The following ITGAX variants were observed in gnomAD, a reference collection of about 807,000 sequenced individuals.
The protein encoded by ITGAX is integrin alpha-X.
A neutral mutation model predicts 140.2 loss-of-function variants in ITGAX; 99 were observed. The observed-to-expected ratio is 0.71, with a 90% confidence interval of 0.60 to 0.83. ITGAX has a LOEUF of 0.83. ITGAX is among the 40% of genes least tolerant of loss of function. The pLI, the probability that ITGAX is intolerant of heterozygous loss-of-function variation, is 0.00. For synonymous variants in ITGAX, 631 were observed against 600.4 expected (o/e 1.05, Z -0.75); for missense variants, 1,444 against 1,482.0 (o/e 0.97, Z 0.42).
rs2081073674 is a variant in ITGAX at position 31,382,021 on chromosome 16, G to A, written c.*114G>A. The A allele has an allele frequency of 3.4e-6, 5 of 1,465,650 alleles. No individual in the cohort carries two copies. The highest frequency in any genetic ancestry group is 4.5e-6 in the Non-Finnish European group (5 of 1,112,872). The allele number at this position is 1,465,650 out of a possible 1,614,324, so 90.8% of individuals were successfully genotyped here. A position where few individuals can be genotyped will look rare whatever the true frequency, so the allele number is the denominator to read the frequency against. On this transcript the variant is annotated 3_prime_UTR_variant, in exon 30 of 30. Coordinates refer to ENST00000268296, the MANE Select transcript of ITGAX (RefSeq NM_000887.5). ...GCACCACCGAGAGAGGCTGGGATGGGCCTGCTTCCTGTCTTTGGGAGAAAA... is the reference window on the plus strand; with the variant it reads ...GCACCACCGAGAGAGGCTGGGATGGACCTGCTTCCTGTCTTTGGGAGAAAA...
intron 14 of ITGAX, 50 bp downstream of exon 14, chr16:31,363,424 TC>T (rs546613420): frequency 2.6e-5 from 42 of 1,587,202 alleles, no homozygotes; most frequent in Non-Finnish European, 3.6e-5. Flanking sequence ...TTCTTGCCTC[TC>T]CCACTCTGTC....
chr16:31,375,472 C>T (rs770944461), intron 20 of ITGAX, among the ~76,000 whole-genome samples: 16 of 152,236 alleles, frequency 1.1e-4, no homozygotes, highest in Non-Finnish European at 2.1e-4. Flanking sequence ...TCTATTGATA[C>T]ATTACCTAGT....
At chr16:31,373,144 C>T (rs1431124034) in intron 19 of ITGAX, 105 bp from the exon 20 acceptor site, 9 of 763,148 alleles carry the variant, frequency 1.2e-5, no homozygotes, top group African/African-American at 7.3e-5. Flanking sequence ...CCCAGGGGTC[C>T]GTCCCCTGTC....
intron 14 of ITGAX, among the ~76,000 whole-genome samples, chr16:31,363,825 G>A (rs2142498331): frequency 6.6e-6 from 1 of 152,322 alleles, no homozygotes; most frequent in South Asian, 2.1e-4. Context: ...AGGAAGACAA[G>A]GGCCTTGGTT....
intron 9 of ITGAX, 112 bp downstream of exon 9, chr16:31,361,325 C>T (rs1287028017): frequency 1.7e-6 from 2 of 1,191,732 alleles, no homozygotes; most frequent in African/African-American, 1.5e-5. Context: ...CTCCTGCTTT[C>T]CCGGGACCCC....
intron 12 of ITGAX, 44 bp downstream of exon 12, chr16:31,362,797 G>T (rs1468105240): frequency 1.2e-6 from 2 of 1,611,818 alleles, no homozygotes; most frequent in Non-Finnish European, 1.7e-6. Flanking sequence ...GGGTAGGGGA[G>T]GTGGCTGGGG....
chr16:31,357,682 G>A (rs2080778569), intron 5 of ITGAX: 3 of 428,228 alleles, frequency 7.0e-6, no homozygotes, highest in East Asian at 3.5e-5. Flanking sequence ...AGCACCAGGC[G>A]ACAGCCCCAT....
At chr16:31,355,727 C>T (rs1016808098) in intron 1 of ITGAX, among the ~76,000 whole-genome samples, 166 bp from the exon 2 acceptor site, 1 of 152,114 alleles carries the variant, frequency 6.6e-6, no homozygotes. Flanking sequence ...AAGGGGCATC[C>T]CTGGACCCTG....
Position 31,357,044 on chromosome 16 carries a change from C to T in ITGAX, c.261C>T (p.Ala87=), listed in dbSNP as rs762961702. 2.5e-5 allele frequency: 41 copies of T among 1,610,024 alleles called. No homozygotes were observed. Among genetic ancestry groups the T allele is most frequent in the Admixed American group, 6.7e-5 (4 of 59,406 alleles). Residue 87 remains alanine (A), a synonymous_variant, in exon 4 of 30, where the codon GCC becomes GCT. Transcript: ENST00000268296. ...EPIGLQVPPE[A]VNMSLGLSLA... is the part of the protein sequence containing the mutation. ...CTGTCCCCACAGTGCCCCCGGAGGCCGTGAACATGTCCCTGGGCCTGTCCC... is the reference window on the plus strand; with the variant it reads ...CTGTCCCCACAGTGCCCCCGGAGGCTGTGAACATGTCCCTGGGCCTGTCCC...
At position 31,376,927 on chromosome 16, in the gene ITGAX, TTC is replaced by T; in HGVS notation, c.2625+14_2625+15del. On this transcript the variant is annotated intron_variant, in intron 21 of 29. Coordinates refer to ENST00000268296, the MANE Select transcript of ITGAX (RefSeq NM_000887.5). ...GTGGCGGCGCCCAGGTCAGCCTGGC[TTC>T]TGTCCCCTCACTGCTCCCCTGCCCC... The T allele has an allele frequency of 6.2e-7, 1 of 1,614,098 alleles. No individual in the cohort carries two copies. Among genetic ancestry groups the T allele is most frequent in the Non-Finnish European group, 8.5e-7 (1 of 1,179,930 alleles).
intron 14 of ITGAX, among the ~76,000 whole-genome samples, chr16:31,366,334 G>T (rs1448679845): frequency 6.6e-6 from 1 of 152,202 alleles, no homozygotes; most frequent in African/African-American, 2.4e-5. Flanking sequence ...GTCCGTATAT[G>T]AAGGCGAACT....
In ITGAX at chr16:31,356,621, G is replaced by T. The variant is rs566562365; in HGVS notation, c.144-4G>T. 3.8e-6 allele frequency: 6 copies of T among 1,589,532 alleles called. No homozygotes were observed. The African/African-American group carries it at 4.0e-5, about 11-fold the overall frequency. The stretch of plus-strand genomic sequence containing the variant: ...TACCTAAAGTGTTCTTTGTCTCCTC[G>T]CAGGGTGGTGGTTGGAGCCCCCCAA... On this transcript the variant is annotated splice_polypyrimidine_tract_variant and splice_region_variant and intron_variant, in intron 2 of 29. Transcript: ENST00000268296.
chr16:31,376,848 T>G lies in ITGAX; in HGVS notation c.2558T>G (p.Val853Gly). 2.5e-6 allele frequency: 4 copies of G among 1,614,238 alleles called. No individual in the cohort carries two copies. The highest frequency in any genetic ancestry group is 3.4e-6 in the Non-Finnish European group (4 of 1,180,032). The part of the protein sequence containing the change: ...SLHLTCDSAP[V>G]GSQGTWSTSC... ...CACCTGACATGTGACAGCGCCCCAG[T>G]TGGGAGCCAGGGCACCTGGAGCACC... Residue 853 changes from valine to glycine, a missense_variant, in exon 21 of 30, where the codon GTT becomes GGT. Physicochemically the swap from Val to Gly is moderately radical, Grantham distance 109. Transcript: ENST00000268296.
At chr16:31,360,186 A>C in intron 7 of ITGAX, 121 bp downstream of exon 7, 1 of 1,515,168 alleles carries the variant, frequency 6.6e-7, no homozygotes, top group Non-Finnish European at 8.9e-7. Flanking sequence ...ACCCTTGCCA[A>C]GCTGGGGCCT....
rs1290721677 is a variant in ITGAX, at chr16:31,372,701, T to C, written c.2366+31T>C. 1.9e-6 allele frequency: 3 copies of C among 1,592,506 alleles called. No individual in the cohort carries two copies. In the Admixed American group the frequency reaches 5.1e-5, roughly 27 times the overall value. On this transcript the variant is annotated intron_variant, in intron 19 of 29. Coordinates refer to ENST00000268296, the MANE Select transcript of ITGAX (RefSeq NM_000887.5). The stretch of plus-strand genomic sequence containing the variant: ...CGCCCCCACCTTAGACCTGCCCTAC[T>C]GCCCCAGCCTCCTTCCTGGAATCTG...
chr16:31,381,705 A>G (rs1224908562), intron 29 of ITGAX, 98 bp from the exon 30 acceptor site: 1 of 778,022 alleles, frequency 1.3e-6, no homozygotes, highest in Non-Finnish European at 2.3e-6. Flanking sequence ...TGAACCTAGC[A>G]AGGATTTCAG....
chr16:31,369,269 G>A (rs1197157467), intron 14 of ITGAX, among the ~76,000 whole-genome samples: 9 of 138,980 alleles, frequency 6.5e-5, no homozygotes, highest in Admixed American at 6.3e-4. Flanking sequence ...GGACGAGGCA[G>A]CTGGCCGGGC....
In ITGAX at chr16:31,360,418, C is replaced by T; in HGVS notation, c.816C>T (p.Val272=). The change falls in exon 8 of 30, where the codon GTC becomes GTT. Residue 272 remains valine, a synonymous_variant. Coordinates refer to ENST00000268296, the MANE Select transcript of ITGAX (RefSeq NM_000887.5). ...KEGDSLDYKD[V]IPMADAAGII... ...GCGACAGCCTGGATTATAAGGATGT[C>T]ATCCCCATGGCTGATGCAGCAGGCA... The T allele has an allele frequency of 4.3e-6, 7 of 1,613,910 alleles. No individual in the cohort carries two copies. The highest frequency in any genetic ancestry group is 5.9e-6 in the Non-Finnish European group (7 of 1,179,962).
At position 31,366,642 on chromosome 16, in the gene ITGAX, A is replaced by G. The variant is rs528512900; in HGVS notation, c.1710+3268A>G. Among the ~76,000 whole-genome samples the G allele has an allele frequency of 2.6e-5, 4 of 152,288 alleles. No individual in the cohort carries two copies. The South Asian group carries it at 8.3e-4, about 32-fold the overall frequency. On this transcript the variant is annotated intron_variant, in intron 14 of 29. Coordinates refer to ENST00000268296, the MANE Select transcript of ITGAX (RefSeq NM_000887.5). ...GTGATTCTCCTGCCTCAGCCTTCTG[A>G]GTAGCTGGCATTACAGGTGGGTGCC...
Sources: allele counts gnomAD v4.1 joint callset (sites outside exome capture counted in the v4.1 genomes callset), GRCh38; gene constraint gnomAD v4.1.1; transcripts MANE v1.5; gene names NCBI Gene and HGNC (gene_info 2026-07-23, HGNC 2026-07-21).